CDH10: variants seen among roughly 807,000 people sequenced by gnomAD.
The protein encoded by CDH10 is cadherin 10, also known as cadherin-10.
A neutral mutation model predicts 73.1 loss-of-function variants in CDH10; 30 were observed. That is an observed-to-expected ratio of 0.41 (90% CI 0.31 to 0.56). The LOEUF is 0.56. Ranked by LOEUF, CDH10 falls within the 20% of genes least tolerant of loss-of-function variation. The probability of loss-of-function intolerance (pLI) is 0.27; values close to 1 mark genes in which losing one functional copy is unlikely to be tolerated. For missense variants in CDH10, 815 were observed against 973.7 expected (o/e 0.84, Z 2.17); for synonymous variants, 345 against 348.2 (o/e 0.99, Z 0.10).
At chr5:24,579,694 G>T (rs1745725162) in intron 2 of CDH10, among the ~76,000 whole-genome samples, 1 of 152,002 alleles carries the variant, frequency 6.6e-6, no homozygotes, top group East Asian at 1.9e-4. Flanking sequence ...CATTTTCTTT[G>T]TCTTCTAAGA....
intron 8 of CDH10, among the ~76,000 whole-genome samples, chr5:24,502,084 T>TC (rs1742519524): frequency 7.8e-6 from 1 of 127,518 alleles, no homozygotes; most frequent in Non-Finnish European, 1.9e-5. Context: ...TACGTCCGGC[T>TC]CATTTTTTTG....
intron 7 of CDH10, among the ~76,000 whole-genome samples, chr5:24,507,162 A>G (rs1450076383): frequency 1.3e-5 from 2 of 152,102 alleles, no homozygotes; most frequent in South Asian, 2.1e-4. Flanking sequence ...GATCCTTCCC[A>G]TAACAACATA....
At chr5:24,509,134 C>G (rs75102213) in intron 7 of CDH10, among the ~76,000 whole-genome samples, 3,288 of 147,412 alleles carry the variant, frequency 0.022, 132 homozygotes, top group African/African-American at 0.076. Context: ...ACTCTTGTAT[C>G]TTCCATCGCA....
At chr5:24,553,511 C>T (rs1297764201) in intron 2 of CDH10, among the ~76,000 whole-genome samples, 1 of 152,096 alleles carries the variant, frequency 6.6e-6, no homozygotes, top group African/African-American at 2.4e-5. Flanking sequence ...TGTCTTCTTG[C>T]TTTACTTCGT....
intron 8 of CDH10, among the ~76,000 whole-genome samples, chr5:24,504,522 T>TG (rs1742618305): frequency 8.3e-6 from 1 of 120,742 alleles, no homozygotes; most frequent in African/African-American, 3.0e-5. Flanking sequence ...TTTTTTTTTT[T>TG]TTTTTTTTTT....
intron 8 of CDH10, among the ~76,000 whole-genome samples, chr5:24,502,095 T>C (rs1313772422): frequency 2.7e-5 from 4 of 150,590 alleles, no homozygotes; most frequent in African/African-American, 4.8e-5. Context: ...CATTTTTTTG[T>C]ATTTTTTTAG....
intron 1 of CDH10, among the ~76,000 whole-genome samples, chr5:24,599,042 G>A (rs1746471368): frequency 6.6e-6 from 1 of 152,098 alleles, no homozygotes; most frequent in African/African-American, 2.4e-5. Flanking sequence ...GCATCCAAGA[G>A]TTCTTGCTAC....
rs1199014600 is a variant in CDH10, at chr5:24,636,817, C to T, written c.-124+7777G>A. On this transcript the variant is annotated intron_variant, in intron 1 of 11. Coordinates refer to ENST00000264463, the MANE Select transcript of CDH10 (RefSeq NM_006727.5). The stretch of plus-strand genomic sequence containing the variant: ...GGGCCCTTGCTTTATCCCACATAGT[C>T]CCCTGTGTCTGCAAGATGATAACTG... Among the ~76,000 whole-genome samples the T allele has an allele frequency of 3.3e-5, 5 of 151,968 alleles. No individual in the cohort carries two copies. In the East Asian group the frequency reaches 5.8e-4, roughly 18 times the overall value.
chr5:24,568,499 G>A (rs140381096), intron 2 of CDH10, among the ~76,000 whole-genome samples: 115 of 151,850 alleles, frequency 7.6e-4, no homozygotes, highest in African/African-American at 2.6e-3. Flanking sequence ...CAGAAAACAA[G>A]TGTTGTCAAG....
At chr5:24,527,131 T>C (rs1743560974) in intron 5 of CDH10, among the ~76,000 whole-genome samples, 1 of 150,824 alleles carries the variant, frequency 6.6e-6, no homozygotes, top group Non-Finnish European at 1.5e-5. Flanking sequence ...TACTCTCCAG[T>C]TATATGTGTG....
Position 24,491,617 on chromosome 5 carries a change from C to T in CDH10, c.1835G>A (p.Gly612Glu), listed in dbSNP as rs2111636784. Residue 612 changes from glycine (G) to glutamate (E), a missense_variant, in exon 11 of 12, where the codon GGG becomes GAG. By Grantham distance (98) the Gly-to-Glu change is moderately conservative (BLOSUM62 -2). This residue lies in a region of CDH10 where 241 missense variants were observed against 240.3 expected (regional missense o/e 1.00). Coordinates refer to ENST00000264463, the MANE Select transcript of CDH10 (RefSeq NM_006727.5). ...ALLLPAGLST[G>E]ALIAILLCII... ...GCAGAGGAGGATGGCGATCAAGGCC[C>T]CAGTGCTGAGGCCGGCAGGGAGGAG... 1 of 1,613,500 alleles carries T rather than the reference C, an allele frequency of 6.2e-7. No homozygotes were observed. Among genetic ancestry groups the T allele is most frequent in the South Asian group, 1.1e-5 (1 of 91,038 alleles).
intron 2 of CDH10, among the ~76,000 whole-genome samples, chr5:24,570,057 C>T (rs936111527): frequency 6.6e-6 from 1 of 152,128 alleles, no homozygotes; most frequent in Non-Finnish European, 1.5e-5. Context: ...TGAGCCACTG[C>T]GCCCGGCCAA....
intron 1 of CDH10, among the ~76,000 whole-genome samples, chr5:24,595,125 G>A (rs1190588445): frequency 6.6e-6 from 1 of 151,628 alleles, no homozygotes; most frequent in Non-Finnish European, 1.5e-5. Context: ...GTGTGTGTGT[G>A]TCTATTGTCT....
chr5:24,608,116 T>C (rs558116204), intron 1 of CDH10, among the ~76,000 whole-genome samples: 1 of 152,140 alleles, frequency 6.6e-6, no homozygotes, highest in Non-Finnish European at 1.5e-5. Context: ...CATGTTCTTA[T>C]ATTAAAAAAA....
intron 5 of CDH10, among the ~76,000 whole-genome samples, chr5:24,514,208 G>A (rs953166073): frequency 1.3e-5 from 2 of 152,002 alleles, no homozygotes; most frequent in Admixed American, 6.6e-5. Flanking sequence ...CATTGTAGCC[G>A]CATTGCCCCT....
At chr5:24,551,983 A>C (rs1302698896) in intron 2 of CDH10, among the ~76,000 whole-genome samples, 3 of 152,094 alleles carry the variant, frequency 2.0e-5, no homozygotes, top group Admixed American at 6.6e-5. Context: ...GATTTTCTAC[A>C]TGGATTTTTA....
intron 5 of CDH10, 94 bp downstream of exon 5, chr5:24,535,018 T>C: frequency 8.7e-7 from 1 of 1,151,874 alleles, no homozygotes; most frequent in South Asian, 1.6e-5. Flanking sequence ...ATTAAATGAA[T>C]GACAATTGCT....
intron 2 of CDH10, chr5:24,554,117 G>GAGACAGAGAGAGAGA (rs1377523348): frequency 7.2e-5 from 3 of 41,840 alleles, no homozygotes; most frequent in Admixed American, 4.9e-4. Context: ...TGGGCGGGGG[G>GAGACAGAGAGAGAGA]GGGAGAGAGA....
intron 5 of CDH10, among the ~76,000 whole-genome samples, chr5:24,518,116 T>C (rs1180032810): frequency 6.6e-6 from 1 of 152,154 alleles, no homozygotes; most frequent in Non-Finnish European, 1.5e-5. Flanking sequence ...AGATTCTGTG[T>C]ACAGACAAGA....
Sources: gnomAD v4.1 joint callset for allele counts (sites outside exome capture counted in the v4.1 genomes callset) on GRCh38, gnomAD v4.1.1 for gene constraint, gnomAD v4.1.1 regional missense constraint, MANE v1.5 for transcripts, NCBI Gene and HGNC (gene_info 2026-07-23, HGNC 2026-07-21) for gene names.